The following NTM variants were observed in gnomAD, a reference collection of about 807,000 sequenced individuals.
NTM encodes neurotrimin.
A neutral mutation model predicts 42.1 loss-of-function variants in NTM; 13 were observed. The observed-to-expected ratio is 0.31, with a 90% confidence interval of 0.20 to 0.49. The LOEUF is 0.49. Ranked by LOEUF, NTM falls within the 20% of genes least tolerant of loss-of-function variation. The pLI is 0.99. For missense variants in NTM, 373 were observed against 452.8 expected (o/e 0.82, Z 1.60); for synonymous variants, 187 against 179.2 (o/e 1.04, Z -0.35).
At chr11:131,450,295 G>T (rs972919680) in intron 1 of NTM, among the ~76,000 whole-genome samples, 3 of 152,188 alleles carry the variant, frequency 2.0e-5, no homozygotes, top group Non-Finnish European at 4.4e-5. Context: ...TATGCATGGG[G>T]TGAGGAAGTG....
In NTM at chr11:132,168,711, AT is replaced by A. The variant is rs1057278283; in HGVS notation, c.400+22204del. 1.7e-4 allele frequency among the ~76,000 whole-genome samples: 26 copies of A among 152,230 alleles called. 1 individual carries two copies. The highest frequency in any genetic ancestry group is 1.5e-3 in the Admixed American group (23 of 15,306). ...CTGATACTTTAATCTGACTCTTCTCATTTTTTTGGCTTTTAGAACTGATTTT... is the reference window on the plus strand; with the variant it reads ...CTGATACTTTAATCTGACTCTTCTCATTTTTTGGCTTTTAGAACTGATTTT... On this transcript the variant is annotated intron_variant, in intron 3 of 8. Transcript: ENST00000683400.
intron 1 of NTM, among the ~76,000 whole-genome samples, chr11:131,555,795 C>A (rs2055328691): frequency 6.6e-6 from 1 of 152,132 alleles, no homozygotes; most frequent in Non-Finnish European, 1.5e-5. Context: ...GGGCACAGAA[C>A]CGCTTCTCTG....
intron 1 of NTM, among the ~76,000 whole-genome samples, chr11:131,631,882 T>G (rs1193796329): frequency 6.6e-6 from 1 of 152,238 alleles, no homozygotes; most frequent in Admixed American, 6.5e-5. Flanking sequence ...TAGCATTGAA[T>G]GTTACCTTGG....
At chr11:132,042,548 C>T (rs939728943) in intron 2 of NTM, among the ~76,000 whole-genome samples, 1 of 152,202 alleles carries the variant, frequency 6.6e-6, no homozygotes, top group Non-Finnish European at 1.5e-5. Flanking sequence ...CCCTGGACAC[C>T]TCCAGTGAAA....
intron 2 of NTM, among the ~76,000 whole-genome samples, chr11:132,073,389 G>A (rs991641626): frequency 6.6e-6 from 1 of 152,194 alleles, no homozygotes; most frequent in African/African-American, 2.4e-5. Flanking sequence ...TGATTTGGTG[G>A]TGTAAATGTC....
intron 4 of NTM, among the ~76,000 whole-genome samples, chr11:132,223,167 C>T (rs1315180235): frequency 6.6e-6 from 1 of 152,192 alleles, no homozygotes; most frequent in African/African-American, 2.4e-5. Flanking sequence ...TGAGCACCTA[C>T]TGTGTGTGGG....
intron 2 of NTM, among the ~76,000 whole-genome samples, chr11:131,932,324 C>T (rs1414850076): frequency 6.6e-6 from 1 of 152,268 alleles, no homozygotes; most frequent in East Asian, 1.9e-4. Context: ...ATGTCTAGAA[C>T]AAGAATAATC....
At chr11:131,737,169 T>G (rs796297600) in intron 1 of NTM, among the ~76,000 whole-genome samples, 3 of 152,316 alleles carry the variant, frequency 2.0e-5, no homozygotes, top group African/African-American at 7.2e-5. Flanking sequence ...GCATCCCACA[T>G]AGAAGAGCTC....
chr11:132,160,124 C>T (rs2073990309), intron 3 of NTM, among the ~76,000 whole-genome samples: 1 of 152,216 alleles, frequency 6.6e-6, no homozygotes, highest in Admixed American at 6.5e-5. Context: ...CACTGATACT[C>T]ACTGAGGCAT....
intron 2 of NTM, among the ~76,000 whole-genome samples, chr11:132,104,582 C>CT (rs1188189695): frequency 1.4e-5 from 2 of 141,178 alleles, no homozygotes; most frequent in Admixed American, 1.4e-4. Context: ...TGGGACCCCC[C>CT]CCCACCAAAA....
chr11:131,897,268 T>C (rs1230205214), intron 1 of NTM, among the ~76,000 whole-genome samples: 1 of 150,232 alleles, frequency 6.7e-6, no homozygotes, highest in South Asian at 2.1e-4. Flanking sequence ...ATTAAAAGAG[T>C]AGAGAGAGAG....
chr11:131,888,474 G>T (rs2050739336), intron 1 of NTM, among the ~76,000 whole-genome samples: 2 of 152,042 alleles, frequency 1.3e-5, no homozygotes, highest in African/African-American at 4.8e-5. Context: ...CACAGGTGAG[G>T]GCTGTTCTCC....
intron 1 of NTM, among the ~76,000 whole-genome samples, chr11:131,708,817 A>G (rs2076840434): frequency 6.6e-6 from 1 of 152,174 alleles, no homozygotes; most frequent in South Asian, 2.1e-4. Context: ...CTGGGAGAAA[A>G]TGGGTAAGAA....
chr11:131,662,101 T>A lies in NTM; in HGVS notation c.83-249463T>A, dbSNP rs1055119935. The A allele has an allele frequency of 3.3e-5, 5 of 152,316 alleles. 1 individual carries two copies. The East Asian group carries it at 7.7e-4, about 23-fold the overall frequency. 9.4% of individuals were successfully genotyped at this position (152,316 alleles called of 1,614,324 possible). ...GAGAGAAATCTATAGGCTTCGGAAA[T>A]CTTTGAAAGAGACAAAAATACTAGA... On this transcript the variant is annotated intron_variant, in intron 1 of 8. Coordinates refer to ENST00000683400, the MANE Select transcript of NTM (RefSeq NM_001352005.2).
At chr11:131,999,335 C>A (rs1267008445) in intron 2 of NTM, among the ~76,000 whole-genome samples, 1 of 152,120 alleles carries the variant, frequency 6.6e-6, no homozygotes, top group Non-Finnish European at 1.5e-5. Context: ...TTAGCCAAGT[C>A]AATAATTCAA....
intron 1 of NTM, among the ~76,000 whole-genome samples, chr11:131,445,013 C>A (rs1949942562): frequency 6.6e-6 from 1 of 152,182 alleles, no homozygotes; most frequent in African/African-American, 2.4e-5. Flanking sequence ...ATATCCATAG[C>A]AACCTGAAGT....
At position 132,112,718 on chromosome 11, in the gene NTM, TACACACACACAC is replaced by T. The variant is rs61630313; in HGVS notation, c.168-33534_168-33523del. On this transcript the variant is annotated intron_variant, in intron 2 of 8. Coordinates refer to ENST00000683400, the MANE Select transcript of NTM (RefSeq NM_001352005.2). The stretch of plus-strand genomic sequence containing the variant: ...CACACATTTTCTGGGACTGCACACT[TACACACACACAC>T]ACACACACACACACACACACACACA... Among the ~76,000 whole-genome samples, 721 of 142,148 alleles carry T rather than the reference TACACACACACAC, an allele frequency of 5.1e-3. 4 individuals carry two copies. Among genetic ancestry groups the T allele is most frequent in the African/African-American group, 0.017 (658 of 38,604 alleles). The allele number at this position is 142,148 out of a possible 152,430, so 93.3% of individuals were successfully genotyped here.
At chr11:131,935,027 C>T (rs1030965743) in intron 2 of NTM, among the ~76,000 whole-genome samples, 2 of 152,070 alleles carry the variant, frequency 1.3e-5, no homozygotes, top group African/African-American at 4.8e-5. Flanking sequence ...CTGCAGTATT[C>T]AGGTGAGGGA....
intron 2 of NTM, among the ~76,000 whole-genome samples, chr11:132,024,261 A>G (rs1278772823): frequency 1.3e-5 from 2 of 152,066 alleles, no homozygotes; most frequent in Non-Finnish European, 2.9e-5. Context: ...TTCTTTGGTC[A>G]GTGTCTGCCA....
Sources: gnomAD v4.1 joint callset for allele counts (sites outside exome capture counted in the v4.1 genomes callset) on GRCh38, gnomAD v4.1.1 for gene constraint, MANE v1.5 for transcripts, NCBI Gene and HGNC (gene_info 2026-07-23, HGNC 2026-07-21) for gene names.